GUCY1B1: variants seen among roughly 807,000 people sequenced by gnomAD.
GUCY1B1 encodes the protein guanylate cyclase 1 soluble subunit beta 1.
Under a neutral mutation model 71.0 loss-of-function variants are expected in GUCY1B1, and 43 were observed. The observed-to-expected ratio is 0.61, with a 90% CI of 0.47 to 0.78. GUCY1B1 has a LOEUF of 0.78. Ranked by LOEUF, GUCY1B1 falls within the 30% of genes least tolerant of loss-of-function variation. GUCY1B1 has a pLI of 0.00. For missense variants in GUCY1B1, 535 were observed against 754.1 expected, an observed-to-expected ratio of 0.71 and a Z score of 3.40; for synonymous variants, 266 against 259.7, an observed-to-expected ratio of 1.02 and a Z score of -0.23.
intron 8 of GUCY1B1, among the ~76,000 whole-genome samples, chr4:155,799,297 T>C (rs1315118389): frequency 2.0e-5 from 3 of 152,166 alleles, no homozygotes; most frequent in Admixed American, 6.5e-5. Flanking sequence ...GAAAAATTTG[T>C]CAAAGTAAAA....
At chr4:155,770,792 C>T (rs1737644063) in intron 2 of GUCY1B1, among the ~76,000 whole-genome samples, 1 of 138,044 alleles carries the variant, frequency 7.2e-6, no homozygotes, top group Non-Finnish European at 1.6e-5. Flanking sequence ...CCCATGAAGC[C>T]TACCATGAAC....
intron 4 of GUCY1B1, among the ~76,000 whole-genome samples, chr4:155,778,395 T>C (rs2111049240): frequency 6.6e-6 from 1 of 152,352 alleles, no homozygotes; most frequent in Non-Finnish European, 1.5e-5. Flanking sequence ...TTGAAAATTA[T>C]ATAGTTGTTT....
chr4:155,804,845 A>G, intron 12 of GUCY1B1, 98 bp downstream of exon 12: 1 of 1,068,336 alleles, frequency 9.4e-7, no homozygotes, highest in Non-Finnish European at 1.4e-6. Flanking sequence ...TAACAGAGTT[A>G]TCACCTTCAC....
intron 2 of GUCY1B1, among the ~76,000 whole-genome samples, chr4:155,773,274 A>T (rs944685064): frequency 3.3e-5 from 5 of 152,172 alleles, no homozygotes; most frequent in Non-Finnish European, 7.4e-5. Context: ...ACATACATTT[A>T]TGAGGTACAT....
chr4:155,785,231 A>AT (rs1561017148), intron 4 of GUCY1B1: 1 of 934,256 alleles, frequency 1.1e-6, no homozygotes, highest in South Asian at 1.5e-5. Context: ...TACTCTCTAT[A>AT]TTTTTCCTGT....
intron 2 of GUCY1B1, 55 bp downstream of exon 2, chr4:155,759,915 C>G: frequency 7.6e-7 from 1 of 1,320,588 alleles, no homozygotes; most frequent in Non-Finnish European, 1.1e-6. Flanking sequence ...TGTGGGAGGC[C>G]CCCCGCGCCT....
intron 2 of GUCY1B1, among the ~76,000 whole-genome samples, chr4:155,773,781 G>A (rs963359203): frequency 5.3e-5 from 8 of 152,084 alleles, no homozygotes; most frequent in African/African-American, 1.7e-4. Context: ...CCTGCTCCAC[G>A]GGTTCACGCC....
chr4:155,762,833 G>A (rs933179563), intron 2 of GUCY1B1, among the ~76,000 whole-genome samples: 4 of 152,098 alleles, frequency 2.6e-5, no homozygotes, highest in Non-Finnish European at 4.4e-5. Flanking sequence ...CCAGGAAAAC[G>A]CAAACAAACA....
chr4:155,795,360 G>A lies in GUCY1B1; in HGVS notation c.746G>A (p.Ser249Asn), dbSNP rs986243985. ...TTTTAGCTCCAGCCTGGGAATTGCA[G>A]CCTTCTGTCTGTCTTCTCGCTGGTT... ...VLPQLQPGNC[S>N]LLSVFSLVRP... Residue 249 changes from serine to asparagine, a missense_variant, in exon 7 of 14, where the codon AGC (serine) becomes AAC (asparagine). Coordinates refer to ENST00000264424, the MANE Select transcript of GUCY1B1 (RefSeq NM_000857.5). The A allele has an allele frequency of 8.7e-6, 14 of 1,604,130 alleles. No homozygotes were observed. In the African/African-American group the frequency reaches 1.5e-4, roughly 17 times the overall value.
rs1322907679 is a variant in GUCY1B1 at position 155,782,657 on chromosome 4, C to G, written c.297+5015C>G. 4.6e-5 allele frequency among the ~76,000 whole-genome samples: 7 copies of G among 152,162 alleles called. No homozygotes were observed. In the East Asian group the frequency reaches 1.2e-3, roughly 25 times the overall value. On this transcript the variant is annotated intron_variant, in intron 4 of 13. Coordinates refer to ENST00000264424, the MANE Select transcript of GUCY1B1 (RefSeq NM_000857.5). The stretch of plus-strand genomic sequence containing the variant: ...CCTCTTCCTTGCGGGAGGTAAAATT[C>G]TCTTTTCCTTGAATCTGGGTTGGCT...
chr4:155,778,710 T>C (rs1055286197), intron 4 of GUCY1B1, among the ~76,000 whole-genome samples: 1 of 152,214 alleles, frequency 6.6e-6, no homozygotes, highest in African/African-American at 2.4e-5. Flanking sequence ...CACTTCCAAA[T>C]GAAGTAGCTG....
At chr4:155,788,565 A>G (rs1738953981) in intron 4 of GUCY1B1, among the ~76,000 whole-genome samples, 1 of 152,198 alleles carries the variant, frequency 6.6e-6, no homozygotes, top group South Asian at 2.1e-4. Context: ...ACATCTGCAA[A>G]ATCCCTTTCA....
Position 155,805,374 on chromosome 4 carries a change from G to T in GUCY1B1, c.1836+145G>T, listed in dbSNP as rs75875662. On this transcript the variant is annotated intron_variant, in intron 13 of 13. Coordinates refer to ENST00000264424, the MANE Select transcript of GUCY1B1 (RefSeq NM_000857.5). ...TCTAAGTAAAGCAGTGGAAATAATT[G>T]AACATTAATGAGCCAATTACAATCA... 401 of 678,202 alleles carry T rather than the reference G, an allele frequency of 5.9e-4. 1 individual carries two copies. In the African/African-American group the frequency reaches 6.6e-3, roughly 11 times the overall value. 42.0% of individuals were successfully genotyped at this position (678,202 alleles called of 1,614,324 possible).
chr4:155,805,258 A>G (rs1740240305), intron 13 of GUCY1B1, 29 bp downstream of exon 13: 2 of 1,583,474 alleles, frequency 1.3e-6, no homozygotes, highest in Non-Finnish European at 1.7e-6. Flanking sequence ...TAATTTGCGT[A>G]CTTAAGACAG....
At chr4:155,787,859 T>C (rs1046017705) in intron 4 of GUCY1B1, among the ~76,000 whole-genome samples, 20 of 152,234 alleles carry the variant, frequency 1.3e-4, no homozygotes, top group African/African-American at 4.3e-4. Flanking sequence ...TTTCTGTTTT[T>C]CTAAATTGAC....
rs1560994345 is a variant in GUCY1B1 at position 155,759,232 on chromosome 4, G to A, written c.3+89G>A. ...GAACTGGCCGCGCAGCCGGAGCTTG[G>A]CTCGGGGGCCCTGGGCGCTCACTGC... On this transcript the variant is annotated intron_variant, in intron 1 of 13. Coordinates refer to ENST00000264424, the MANE Select transcript of GUCY1B1 (RefSeq NM_000857.5). 20 of 1,348,868 alleles carry A rather than the reference G, an allele frequency of 1.5e-5. No homozygotes were observed. In the East Asian group the frequency reaches 5.2e-4, roughly 35 times the overall value. 83.6% of individuals were successfully genotyped at this position (1,348,868 alleles called of 1,614,324 possible). A position where few individuals can be genotyped will look rare whatever the true frequency, so the allele number is the denominator to read the frequency against.
chr4:155,762,093 A>G (rs762189333), intron 2 of GUCY1B1, among the ~76,000 whole-genome samples: 5 of 152,182 alleles, frequency 3.3e-5, no homozygotes. Context: ...TTCCAACCCA[A>G]TACCCCTGAG....
At chr4:155,786,577 C>T (rs1245818849) in intron 4 of GUCY1B1, among the ~76,000 whole-genome samples, 4 of 144,066 alleles carry the variant, frequency 2.8e-5, no homozygotes, top group Admixed American at 7.3e-5. Context: ...TCATGCCATT[C>T]TCCTGCCTCA....
At chr4:155,760,036 C>T (rs1399659447) in intron 2 of GUCY1B1, among the ~76,000 whole-genome samples, 176 bp downstream of exon 2, 2 of 152,050 alleles carry the variant, frequency 1.3e-5, no homozygotes, top group Admixed American at 6.5e-5. Flanking sequence ...GGACTGGAAC[C>T]AGGAGGGGAG....
Sources: allele counts gnomAD v4.1 joint callset (sites outside exome capture counted in the v4.1 genomes callset), GRCh38; gene constraint gnomAD v4.1.1; transcripts MANE v1.5; gene names NCBI Gene and HGNC (gene_info 2026-07-23, HGNC 2026-07-21).